ABCA13: variants seen among roughly 807,000 people sequenced by gnomAD.
The protein encoded by ABCA13 is ATP binding cassette subfamily A member 13.
In ABCA13, 476 loss-of-function variants were observed where a neutral mutation model predicts 478.7. The ratio of observed to expected loss-of-function variants is 0.99; its 90% confidence interval spans 0.92 to 1.07. The LOEUF is 1.07. Among genes scored for constraint, ABCA13 ranks in the 50% least tolerant of loss-of-function variants. ABCA13 has a pLI of 0.00. For missense variants in ABCA13, 6,060 were observed against 5,910.6 expected (o/e 1.03, Z -0.83); for synonymous variants, 2,252 against 2,158.9 (o/e 1.04, Z -1.20).
chr7:48,463,138 T>C (rs960700551), intron 43 of ABCA13, among the ~76,000 whole-genome samples: 3 of 152,196 alleles, frequency 2.0e-5, no homozygotes, highest in Non-Finnish European at 4.4e-5. Context: ...GTTTTGTTTT[T>C]AATTTTAAAG....
chr7:48,355,813 A>G (rs1584984928), intron 31 of ABCA13, among the ~76,000 whole-genome samples: 2 of 152,154 alleles, frequency 1.3e-5, no homozygotes, highest in African/African-American at 2.4e-5. Flanking sequence ...ATCTCTAACT[A>G]TAATAGAAAA....
At chr7:48,451,852 A>T (rs139953548) in intron 42 of ABCA13, among the ~76,000 whole-genome samples, 131 of 152,320 alleles carry the variant, frequency 8.6e-4, no homozygotes, top group Admixed American at 3.8e-3. Flanking sequence ...TTTCCCAAGC[A>T]ATTTGATGGT....
intron 20 of ABCA13, among the ~76,000 whole-genome samples, chr7:48,294,200 G>T (rs1250110950): frequency 6.6e-6 from 1 of 151,970 alleles, no homozygotes; most frequent in Non-Finnish European, 1.5e-5. Flanking sequence ...TCATCTCAGA[G>T]TTATCTTTGT....
intron 58 of ABCA13, among the ~76,000 whole-genome samples, chr7:48,602,200 T>C (rs186907286): frequency 1.9e-3 from 286 of 152,334 alleles, no homozygotes; most frequent in African/African-American, 6.6e-3. Flanking sequence ...GGTAGTTTCG[T>C]TTGCTGTGCA....
Position 48,216,164 on chromosome 7 carries a change from C to T in ABCA13, c.288-3190C>T, listed in dbSNP as rs200746000. Among the ~76,000 whole-genome samples, 7 of 152,210 alleles carry T rather than the reference C, an allele frequency of 4.6e-5. No individual in the cohort carries two copies. The East Asian group carries it at 5.8e-4, about 13-fold the overall frequency. On this transcript the variant is annotated intron_variant, in intron 3 of 61. Transcript: ENST00000435803. ...CTCTACGTCTAACATTTTGAGAAACCGTCAGATTGTTTTTCAACGTGGCTC... is the reference window on the plus strand; with the variant it reads ...CTCTACGTCTAACATTTTGAGAAACTGTCAGATTGTTTTTCAACGTGGCTC...
chr7:48,514,644 G>C (rs755927923), intron 51 of ABCA13, among the ~76,000 whole-genome samples: 57 of 152,164 alleles, frequency 3.7e-4, no homozygotes, highest in Admixed American at 6.5e-4. Context: ...TTGCGTGAAG[G>C]AGTGTAGCAC....
At chr7:48,209,664 AAG>A (rs1785371346) in intron 3 of ABCA13, among the ~76,000 whole-genome samples, 1 of 152,212 alleles carries the variant, frequency 6.6e-6, no homozygotes, top group South Asian at 2.1e-4. Context: ...AAAAAATAGA[AAG>A]ATATTCTATG....
intron 32 of ABCA13, among the ~76,000 whole-genome samples, chr7:48,371,031 A>C (rs2129023958): frequency 6.6e-6 from 1 of 152,328 alleles, no homozygotes; most frequent in South Asian, 2.1e-4. Flanking sequence ...TTTATTAAAT[A>C]GGGAACCCTT....
intron 24 of ABCA13, among the ~76,000 whole-genome samples, chr7:48,311,296 T>C (rs1801737181): frequency 6.6e-6 from 1 of 152,118 alleles, no homozygotes; most frequent in Non-Finnish European, 1.5e-5. Context: ...AGAACAAATA[T>C]TTGTTTTCAG....
intron 57 of ABCA13, among the ~76,000 whole-genome samples, chr7:48,592,978 T>C (rs1789905151): frequency 6.6e-6 from 1 of 151,986 alleles, no homozygotes; most frequent in Non-Finnish European, 1.5e-5. Context: ...GTACTAAGTC[T>C]CTTGCAAACA....
At chr7:48,305,447 G>T (rs1345668490) in intron 23 of ABCA13, among the ~76,000 whole-genome samples, 1 of 152,192 alleles carries the variant, frequency 6.6e-6, no homozygotes, top group Non-Finnish European at 1.5e-5. Context: ...AGGGCGTAGG[G>T]CCTATTTTTA....
At chr7:48,420,369 A>G (rs1280672650) in intron 41 of ABCA13, among the ~76,000 whole-genome samples, 1 of 152,140 alleles carries the variant, frequency 6.6e-6, no homozygotes, top group East Asian at 1.9e-4. Flanking sequence ...GCAAGTTACA[A>G]TGTTTACTTT....
intron 23 of ABCA13, among the ~76,000 whole-genome samples, chr7:48,301,193 A>G (rs181902489): frequency 3.4e-4 from 51 of 151,948 alleles, no homozygotes; most frequent in Admixed American, 1.8e-3. Context: ...GAAAGTTCCA[A>G]TCTCTTCTGG....
chr7:48,462,446 C>CCCA (rs1554523623), intron 43 of ABCA13, among the ~76,000 whole-genome samples: 1 of 151,718 alleles, frequency 6.6e-6, no homozygotes, highest in African/African-American at 2.4e-5. Context: ...AAAGGATTCC[C>CCCA]CCCCCCCTAC....
Position 48,471,614 on chromosome 7 carries a change from C to T in ABCA13, c.12975+15C>T. 6.4e-7 allele frequency: 1 copy of T among 1,550,692 alleles called. No individual in the cohort carries two copies. The highest frequency in any genetic ancestry group is 1.2e-5 in the South Asian group (1 of 82,810). On this transcript the variant is annotated intron_variant, in intron 45 of 61. Coordinates refer to ENST00000435803, the MANE Select transcript of ABCA13 (RefSeq NM_152701.5). ...GTGGCTGCCTGGTAGGTTTCTGCAG[C>T]ATTTTTGATCTTTTTAAGTCTAAAA...
intron 55 of ABCA13, among the ~76,000 whole-genome samples, chr7:48,578,748 G>A (rs894769125): frequency 7.9e-5 from 12 of 152,304 alleles, no homozygotes; most frequent in Admixed American, 5.9e-4. Context: ...AGGCAACACA[G>A]TATGGAAGAA....
rs541610004 is a variant in ABCA13 at position 48,249,067 on chromosome 7, A to G, written c.1866-145A>G. 7.4e-6 allele frequency: 5 copies of G among 674,424 alleles called. No homozygotes were observed. The South Asian group carries it at 1.2e-4, about 16-fold the overall frequency. 41.8% of individuals were successfully genotyped at this position (674,424 alleles called of 1,614,324 possible). On this transcript the variant is annotated intron_variant, in intron 14 of 61. Transcript: ENST00000435803. ...TTGTAAACAAACTTAAAAAATTAGT[A>G]GAACTATTTGAAAGATTCTATTTCC...
At chr7:48,554,319 G>A (rs1785582503) in intron 55 of ABCA13, among the ~76,000 whole-genome samples, 2 of 151,876 alleles carry the variant, frequency 1.3e-5, no homozygotes, top group South Asian at 4.1e-4. Flanking sequence ...GTCTTTTGTG[G>A]TTTCATATAA....
intron 35 of ABCA13, among the ~76,000 whole-genome samples, chr7:48,385,957 C>A (rs1055871241): frequency 2.0e-5 from 3 of 152,250 alleles, no homozygotes; most frequent in African/African-American, 7.2e-5. Context: ...TGTATGTCTT[C>A]TTTTGAGAAG....
Sources: allele counts gnomAD v4.1 joint callset (sites outside exome capture counted in the v4.1 genomes callset), GRCh38; gene constraint gnomAD v4.1.1; transcripts MANE v1.5; gene names NCBI Gene and HGNC (gene_info 2026-07-23, HGNC 2026-07-21).